The following DYNC1H1 variants were observed in gnomAD, a reference collection of about 807,000 sequenced individuals.
The protein encoded by DYNC1H1 is cytoplasmic dynein 1 heavy chain 1.
DYNC1H1 carries 51 observed loss-of-function variants against 527.1 expected under a neutral mutation model. The ratio of observed to expected loss-of-function variants is 0.10; its 90% CI spans 0.08 to 0.12. The LOEUF (loss-of-function observed/expected upper bound fraction) is 0.12, where lower values mean the gene tolerates loss of function less well. Among genes scored for constraint, DYNC1H1 ranks in the 10% least tolerant of loss-of-function variants. DYNC1H1 has a pLI of 1.00. For missense variants in DYNC1H1, 2,771 were observed against 5,971.8 expected (o/e 0.46, Z 17.66); for synonymous variants, 2,189 against 2,278.8 (o/e 0.96, Z 1.12).
chr14:102,012,638 A>G lies in DYNC1H1; in HGVS notation c.7014+168A>G. On this transcript the variant is annotated intron_variant, in intron 34 of 77. Transcript: ENST00000360184. This position sits in a 1 kb window ranked among gnomAD's most constrained non-coding sequence, Gnocchi z 4.9. ...ATCTCAACTGCTAGATTTTTTTTCC[A>G]TTTCCATGGCTAGTGAGAAACATTT... The G allele has an allele frequency of 1.1e-6, 1 of 900,458 alleles. No individual in the cohort carries two copies. 55.8% of individuals were successfully genotyped at this position (900,458 alleles called of 1,614,324 possible).
rs1301406207 is a variant in DYNC1H1 at position 102,016,790 on chromosome 14, C to T, written c.7639C>T (p.Pro2547Ser). Reference sequence around the variant, plus strand: ...GGTGTCCATCAGCGGAGAATGGTCTCCGTGGCAGGCCAAGGTGCCTCAGAT... The same window carrying T: ...GGTGTCCATCAGCGGAGAATGGTCTTCGTGGCAGGCCAAGGTGCCTCAGAT... ...YEVSISGEWS[P>S]WQAKVPQIEV... The change falls in exon 38 of 78, where the codon CCG becomes TCG. Residue 2547 changes from proline (P) to serine (S), a missense_variant. Physicochemically the swap from Pro to Ser is moderately conservative, Grantham distance 74 (BLOSUM62 -1). This residue lies in a region of DYNC1H1 where 71 missense variants were observed against 143.6 expected (regional missense o/e 0.49). Transcript: ENST00000360184. The surrounding 1 kb of genome is among the most constrained non-coding windows in gnomAD (Gnocchi z 7.3). 6.2e-7 allele frequency: 1 copy of T among 1,613,842 alleles called. No homozygotes were observed. The highest frequency in any genetic ancestry group is 1.7e-5 in the Admixed American group (1 of 60,014).
At position 102,028,124 on chromosome 14, in the gene DYNC1H1, C is replaced by T. The variant is rs1299402565; in HGVS notation, c.9451C>T (p.His3151Tyr). Residue 3151 changes from histidine (H) to tyrosine (Y), a missense_variant, in exon 48 of 78, where the codon CAT (histidine) becomes TAT (tyrosine). Transcript: ENST00000360184. ...EAIVNSCVFV[H>Y]QTLHQANARL... ...CATTGTGAACAGCTGTGTGTTTGTT[C>T]ATCAGACTCTTCACCAGGTGGGTTC... 2 of 1,613,912 alleles carry T rather than the reference C, an allele frequency of 1.2e-6. No homozygotes were observed. The highest frequency in any genetic ancestry group is 1.3e-5 in the African/African-American group (1 of 74,936).
intron 1 of DYNC1H1, among the ~76,000 whole-genome samples, chr14:101,970,838 CA>C (rs1306370018): frequency 1.3e-5 from 2 of 152,006 alleles, no homozygotes; most frequent in Non-Finnish European, 2.9e-5. Context: ...ACCCCAGGAA[CA>C]TTTAACACGT....
chr14:102,009,606 T>A (rs2152577226), intron 29 of DYNC1H1: 1 of 540,294 alleles, frequency 1.9e-6, no homozygotes, highest in African/African-American at 1.9e-5. Flanking sequence ...GGTCTCTGCC[T>A]CTGGTGGCTT....
intron 72 of DYNC1H1, 176 bp from the exon 73 acceptor site, chr14:102,047,641 G>GTGTGTGTGTGTATATATA: frequency 4.7e-5 from 15 of 316,758 alleles, no homozygotes; most frequent in African/African-American, 3.5e-4. Context: ...GTGTGTGTGT[G>GTGTGTGTGTGTATATATA]TATATATATA....
At position 102,027,872 on chromosome 14, in the gene DYNC1H1, G is replaced by A. The variant is rs747408724; in HGVS notation, c.9263+39G>A. The stretch of plus-strand genomic sequence containing the variant: ...TACTTGGCTCTGGGTCAGGAAAGTC[G>A]GTGTCCTTCCAAGGGACAAAGCCTG... On this transcript the variant is annotated intron_variant, in intron 47 of 77. Coordinates refer to ENST00000360184, the MANE Select transcript of DYNC1H1 (RefSeq NM_001376.5). This position sits in a 1 kb window ranked among gnomAD's most constrained non-coding sequence, Gnocchi z 7.7. 1.4e-5 allele frequency: 23 copies of A among 1,613,974 alleles called. No individual in the cohort carries two copies. The highest frequency in any genetic ancestry group is 1.6e-4 in the Middle Eastern group (1 of 6,084).
In DYNC1H1 at chr14:102,029,977, A is replaced by G. The variant is rs2048492118; in HGVS notation, c.9762+39A>G. The G allele has an allele frequency of 6.2e-7, 1 of 1,613,740 alleles. No individual in the cohort carries two copies. On this transcript the variant is annotated intron_variant, in intron 50 of 77. Transcript: ENST00000360184. The surrounding 1 kb of genome is among the most constrained non-coding windows in gnomAD (Gnocchi z 5.3). ...GAATTCTGGCCTGTAAGGACTGAGC[A>G]TTTTCAGTCTCCAATGAGAGAGTAG... is the stretch of plus-strand genomic sequence containing the variant.
rs766442338 is a variant in DYNC1H1 at position 102,020,069 on chromosome 14, G to A, written c.8507+13G>A. ...TCTTCCAAGATAGGTAAGGGAAGCC[G>A]AGGATCCAGTTGGTCCCATTCTCCC... On this transcript the variant is annotated intron_variant, in intron 42 of 77. Transcript: ENST00000360184. This position sits in a 1 kb window ranked among gnomAD's most constrained non-coding sequence, Gnocchi z 4.3. The A allele has an allele frequency of 1.6e-5, 26 of 1,613,674 alleles. No individual in the cohort carries two copies. Among genetic ancestry groups the A allele is most frequent in the Non-Finnish European group, 2.0e-5 (24 of 1,179,876 alleles).
chr14:101,975,678 G>T, intron 1 of DYNC1H1, 34 bp from the exon 2 acceptor site: 1 of 1,562,568 alleles, frequency 6.4e-7, no homozygotes, highest in South Asian at 1.1e-5. Context: ...TGGAAATGTT[G>T]ATATTAATTT....
Position 101,965,472 on chromosome 14 carries a change from G to A in DYNC1H1, c.256+525G>A, listed in dbSNP as rs1402797299. On this transcript the variant is annotated intron_variant, in intron 1 of 77. Coordinates refer to ENST00000360184, the MANE Select transcript of DYNC1H1 (RefSeq NM_001376.5). This position sits in a 1 kb window ranked among gnomAD's most constrained non-coding sequence, Gnocchi z 4.1. ...CTGGGGGCAGCCGGGGTTCTGGTTC[G>A]GGAGGAGGTCGGGCGGGTGTCCCAG... 6.6e-6 allele frequency among the ~76,000 whole-genome samples: 1 copy of A among 152,242 alleles called. No individual in the cohort carries two copies. The highest frequency in any genetic ancestry group is 2.4e-5 in the African/African-American group (1 of 41,480).
chr14:101,983,555 T>C lies in DYNC1H1; in HGVS notation c.1407T>C (p.Phe469=), dbSNP rs1261638807. The change falls in exon 7 of 78, where the codon TTT becomes TTC. Residue 469 remains phenylalanine (F), a synonymous_variant. Coordinates refer to ENST00000360184, the MANE Select transcript of DYNC1H1 (RefSeq NM_001376.5). The surrounding 1 kb of genome is among the most constrained non-coding windows in gnomAD (Gnocchi z 5.3). The part of the protein sequence containing the change: ...LQARLDQMRK[F]RRQHEQLRAV... ...CCCGCCTTGACCAGATGAGAAAATT[T>C]AGACGCCAGCATGAACAGCTAAGAG... 27 of 1,614,186 alleles carry C rather than the reference T, an allele frequency of 1.7e-5. No homozygotes were observed. Among genetic ancestry groups the C allele is most frequent in the Non-Finnish European group, 2.2e-5 (26 of 1,180,028 alleles).
intron 1 of DYNC1H1, among the ~76,000 whole-genome samples, chr14:101,966,117 A>C (rs17511893): frequency 6.2e-4 from 94 of 152,274 alleles, no homozygotes; most frequent in African/African-American, 2.2e-3. Context: ...ATTTCAAAAA[A>C]CTGTATGGTT....
chr14:102,011,336 C>G lies in DYNC1H1; in HGVS notation c.6618+384C>G. ...GCTTCTTTCCTTCCTCTATGTGATT[C>G]ATTTAAGAAAAAGTTTATTGTTTAC... On this transcript the variant is annotated intron_variant, in intron 32 of 77. Transcript: ENST00000360184. The surrounding 1 kb of genome is among the most constrained non-coding windows in gnomAD (Gnocchi z 5.3). 3 of 359,158 alleles carry G rather than the reference C, an allele frequency of 8.4e-6. No individual in the cohort carries two copies. The highest frequency in any genetic ancestry group is 6.7e-5 in the South Asian group (3 of 44,604). The allele number at this position is 359,158 out of a possible 1,614,324, so 22.2% of individuals were successfully genotyped here.
intron 5 of DYNC1H1, 112 bp from the exon 6 acceptor site, chr14:101,982,907 G>A: frequency 7.8e-7 from 1 of 1,276,312 alleles, no homozygotes; most frequent in African/African-American, 1.5e-5. Flanking sequence ...AATAGTTTTT[G>A]TCTCGCTAGA....
intron 28 of DYNC1H1, among the ~76,000 whole-genome samples, 185 bp downstream of exon 28, chr14:102,007,293 A>G (rs929174145): frequency 1.4e-4 from 22 of 152,230 alleles, no homozygotes; most frequent in Non-Finnish European, 8.8e-5. Flanking sequence ...GCATACATGC[A>G]TTGAAGTTGA....
intron 1 of DYNC1H1, among the ~76,000 whole-genome samples, chr14:101,972,485 A>T (rs569816064): frequency 2.3e-4 from 35 of 152,296 alleles, no homozygotes; most frequent in African/African-American, 8.4e-4. Context: ...TTGTTTGAGG[A>T]TTATGTCATT....
rs1886350047 is a variant in DYNC1H1 at position 102,016,394 on chromosome 14, C to T, written c.7519C>T (p.Arg2507Trp). ...ACTCTGGTCCCTGTCTGGAGACAGCCGGCTAAAAATGAGAGCAGAGCTGGG... is the reference window on the plus strand; with the variant it reads ...ACTCTGGTCCCTGTCTGGAGACAGCTGGCTAAAAATGAGAGCAGAGCTGGG... ...AILWSLSGDS[R>W]LKMRAELGEY... The change falls in exon 37 of 78, where the codon CGG becomes TGG. Residue 2507 changes from arginine to tryptophan, a missense_variant. By Grantham distance (101) the Arg-to-Trp change is moderately radical. Transcript: ENST00000360184. The surrounding 1 kb of genome is among the most constrained non-coding windows in gnomAD (Gnocchi z 7.3). 1 of 1,613,998 alleles carries T rather than the reference C, an allele frequency of 6.2e-7. No individual in the cohort carries two copies. Among genetic ancestry groups the T allele is most frequent in the Non-Finnish European group, 8.5e-7 (1 of 1,179,998 alleles).
intron 11 of DYNC1H1, among the ~76,000 whole-genome samples, chr14:101,993,205 T>G (rs1001123419): frequency 6.6e-6 from 1 of 152,178 alleles, no homozygotes; most frequent in African/African-American, 2.4e-5. Flanking sequence ...ATTCCCATTG[T>G]GTGTCTCTTG....
Position 101,986,731 on chromosome 14 carries a change from T to C in DYNC1H1, c.2506T>C (p.Leu836=). 1 of 1,614,212 alleles carries C rather than the reference T, an allele frequency of 6.2e-7. No homozygotes were observed. Among genetic ancestry groups the C allele is most frequent in the Non-Finnish European group, 8.5e-7 (1 of 1,180,044 alleles). Residue 836 remains leucine, a synonymous_variant, in exon 8 of 78, where the codon TTA becomes CTA. Transcript: ENST00000360184. The surrounding 1 kb of genome is among the most constrained non-coding windows in gnomAD (Gnocchi z 8.7). ...SYKLDPYVQR[L]AETVFNFQEK... ...CAAACTTGACCCATATGTACAGCGCTTAGCAGAGACTGTCTTCAACTTCCA... is the reference window on the plus strand; with the variant it reads ...CAAACTTGACCCATATGTACAGCGCCTAGCAGAGACTGTCTTCAACTTCCA...
Sources: allele counts gnomAD v4.1 joint callset (sites outside exome capture counted in the v4.1 genomes callset), GRCh38; gene constraint gnomAD v4.1.1; regional missense constraint gnomAD v4.1.1; non-coding constraint Gnocchi (gnomAD v3.1); transcripts MANE v1.5; gene names NCBI Gene and HGNC (gene_info 2026-07-23, HGNC 2026-07-21).